The following CCDC6 variants were observed in gnomAD, a reference collection of about 807,000 sequenced individuals.
CCDC6 encodes coiled-coil domain-containing protein 6.
A neutral mutation model predicts 56.6 loss-of-function variants in CCDC6; 20 were observed. That is an observed-to-expected ratio of 0.35 (90% CI 0.25 to 0.51). CCDC6 has a LOEUF of 0.51. CCDC6 is among the 20% of genes least tolerant of loss of function. CCDC6 has a pLI of 0.95. For missense variants in CCDC6, 367 were observed against 601.1 expected, an observed-to-expected ratio of 0.61 and a Z score of 4.07; for synonymous variants, 241 against 234.4, an observed-to-expected ratio of 1.03 and a Z score of -0.26.
intron 1 of CCDC6, among the ~76,000 whole-genome samples, chr10:59,885,819 C>G (rs1401203772): frequency 6.6e-6 from 1 of 152,024 alleles, no homozygotes; most frequent in Non-Finnish European, 1.5e-5. Context: ...TGGTTCCCCC[C>G]ATCATATCCT....
intron 2 of CCDC6, among the ~76,000 whole-genome samples, chr10:59,836,736 G>A (rs1403248833): frequency 6.6e-6 from 1 of 152,052 alleles, no homozygotes; most frequent in African/African-American, 2.4e-5. Context: ...CCTTATTTGT[G>A]CTATATGTTA....
chr10:59,807,667 T>A (rs1004965853), intron 5 of CCDC6, among the ~76,000 whole-genome samples: 1 of 152,228 alleles, frequency 6.6e-6, no homozygotes, highest in Non-Finnish European at 1.5e-5. Flanking sequence ...TCTAAAGTGC[T>A]TTAAGTAGAA....
Position 59,801,639 on chromosome 10 carries a change from G to A in CCDC6, c.1105+2781C>T, listed in dbSNP as rs562601936. On this transcript the variant is annotated intron_variant, in intron 7 of 8. Coordinates refer to ENST00000263102, the MANE Select transcript of CCDC6 (RefSeq NM_005436.5). ...ATCTCCTTGAGGATGGAATATCTAC[G>A]TATATTATCTGGAATTCTCTCCGTG... 3.9e-5 allele frequency among the ~76,000 whole-genome samples: 6 copies of A among 152,156 alleles called. No individual in the cohort carries two copies. The East Asian group carries it at 5.8e-4, about 15-fold the overall frequency.
At chr10:59,835,674 G>GACATGCA (rs1488890044) in intron 2 of CCDC6, among the ~76,000 whole-genome samples, 11 of 152,346 alleles carry the variant, frequency 7.2e-5, no homozygotes, top group African/African-American at 2.6e-4. Flanking sequence ...CACCTCAGGT[G>GACATGCA]ACATGCAACA....
chr10:59,790,547 T>C lies in CCDC6; in HGVS notation c.*2370A>G, dbSNP rs530212450. ...CTACCCAAGTGTTACAGGCTCTGCA[T>C]AGGTCCTCAAACACTTTAAAGGACA... On this transcript the variant is annotated 3_prime_UTR_variant, in exon 9 of 9. Coordinates refer to ENST00000263102, the MANE Select transcript of CCDC6 (RefSeq NM_005436.5). 4.5e-6 allele frequency: 1 copy of C among 221,258 alleles called. No individual in the cohort carries two copies. Among genetic ancestry groups the C allele is most frequent in the Non-Finnish European group, 9.1e-6 (1 of 110,402 alleles). The allele number at this position is 221,258 out of a possible 1,614,324, so 13.7% of individuals were successfully genotyped here.
chr10:59,808,534 T>C (rs569577521), intron 5 of CCDC6, among the ~76,000 whole-genome samples: 108 of 152,346 alleles, frequency 7.1e-4, no homozygotes, highest in African/African-American at 2.4e-3. Context: ...TTTCTTTTCC[T>C]TGTCTTTGTC....
chr10:59,876,055 G>C (rs1233794780), intron 1 of CCDC6, among the ~76,000 whole-genome samples: 2 of 117,006 alleles, frequency 1.7e-5, no homozygotes, highest in African/African-American at 7.1e-5. Context: ...ACACATACAC[G>C]AGTGCATGCA....
intron 1 of CCDC6, among the ~76,000 whole-genome samples, chr10:59,862,516 T>TATATACAC (rs1554886091): frequency 9.3e-5 from 9 of 97,202 alleles, no homozygotes; most frequent in Non-Finnish European, 1.7e-4. Flanking sequence ...TATATATATA[T>TATATACAC]ACACACACAC....
intron 1 of CCDC6, among the ~76,000 whole-genome samples, chr10:59,867,231 C>A (rs1033623323): frequency 3.9e-5 from 6 of 152,224 alleles, no homozygotes; most frequent in South Asian, 2.1e-4. Context: ...AAATAAAATT[C>A]TAAGCCTCCC....
chr10:59,896,427 A>C (rs888989380), intron 1 of CCDC6, among the ~76,000 whole-genome samples: 3 of 152,156 alleles, frequency 2.0e-5, no homozygotes, highest in African/African-American at 7.2e-5. Context: ...GGCACTGCAC[A>C]TTTGCTGAGT....
At chr10:59,873,779 T>C (rs1222276354) in intron 1 of CCDC6, among the ~76,000 whole-genome samples, 2 of 152,202 alleles carry the variant, frequency 1.3e-5, no homozygotes, top group Non-Finnish European at 2.9e-5. Context: ...ACAATGGTAT[T>C]TACCTAAATT....
chr10:59,847,147 G>T (rs2070999544), intron 2 of CCDC6, among the ~76,000 whole-genome samples: 1 of 152,090 alleles, frequency 6.6e-6, no homozygotes, highest in South Asian at 2.1e-4. Flanking sequence ...CCGCCTCCTG[G>T]GTTCACGCCA....
intron 3 of CCDC6, among the ~76,000 whole-genome samples, chr10:59,825,418 C>T (rs4948370): frequency 0.2 from 29,894 of 152,068 alleles, 3,609 homozygotes; most frequent in Middle Eastern, 0.28. Context: ...TTCCCCAGCT[C>T]CAAGGAACTA....
intron 1 of CCDC6, among the ~76,000 whole-genome samples, chr10:59,859,951 G>T (rs138351630): frequency 2.0e-5 from 3 of 152,128 alleles, no homozygotes; most frequent in Non-Finnish European, 2.9e-5. Flanking sequence ...GTGTGGTGGC[G>T]CACGCCTATA....
At chr10:59,803,569 C>T (rs1350444041) in intron 7 of CCDC6, among the ~76,000 whole-genome samples, 1 of 152,176 alleles carries the variant, frequency 6.6e-6, no homozygotes, top group Non-Finnish European at 1.5e-5. Flanking sequence ...TTCTTTGGCC[C>T]ATCACCTTTT....
chr10:59,880,427 C>T (rs1464244548), intron 1 of CCDC6, among the ~76,000 whole-genome samples: 3 of 152,174 alleles, frequency 2.0e-5, no homozygotes, highest in Non-Finnish European at 4.4e-5. Flanking sequence ...GGGAGAAAGA[C>T]ATTAAACACT....
intron 1 of CCDC6, among the ~76,000 whole-genome samples, chr10:59,853,752 T>C (rs993489250): frequency 6.6e-6 from 1 of 152,110 alleles, no homozygotes; most frequent in African/African-American, 2.4e-5. Flanking sequence ...GGAGATGAAG[T>C]CAACGAGAGA....
intron 1 of CCDC6, among the ~76,000 whole-genome samples, chr10:59,888,745 T>C (rs1408053087): frequency 2.0e-5 from 3 of 152,218 alleles, no homozygotes; most frequent in African/African-American, 7.2e-5. Context: ...AACTGAACCA[T>C]TTATGGTGAA....
chr10:59,830,501 A>G (rs1183736070), intron 3 of CCDC6, among the ~76,000 whole-genome samples: 2 of 152,178 alleles, frequency 1.3e-5, no homozygotes, highest in African/African-American at 4.8e-5. Flanking sequence ...AATTTTTATG[A>G]CAATGTTAAA....
Sources: allele counts gnomAD v4.1 joint callset (sites outside exome capture counted in the v4.1 genomes callset), GRCh38; gene constraint gnomAD v4.1.1; transcripts MANE v1.5; gene names NCBI Gene and HGNC (gene_info 2026-07-23, HGNC 2026-07-21).